Variants in SPOCK1 observed in about 807,000 individuals in gnomAD.
SPOCK1 encodes testican-1.
A neutral mutation model predicts 55.3 loss-of-function variants in SPOCK1; 23 were observed. That is an observed-to-expected ratio of 0.42 (90% CI 0.30 to 0.59). SPOCK1 has a LOEUF of 0.59. Among genes scored for constraint, SPOCK1 ranks in the 20% least tolerant of loss-of-function variants. The pLI is 0.22. For missense variants in SPOCK1, 499 were observed against 552.5 expected (o/e 0.90, Z 0.97); for synonymous variants, 226 against 221.0 (o/e 1.02, Z -0.20).
At chr5:137,392,965 C>T (rs1751758159) in intron 2 of SPOCK1, among the ~76,000 whole-genome samples, 1 of 152,206 alleles carries the variant, frequency 6.6e-6, no homozygotes, top group Non-Finnish European at 1.5e-5. Flanking sequence ...TCTCCTAACA[C>T]ATGATGCCCT....
intron 2 of SPOCK1, among the ~76,000 whole-genome samples, chr5:137,282,172 A>G (rs186687609): frequency 3.6e-4 from 55 of 152,334 alleles, no homozygotes; most frequent in Non-Finnish European, 6.3e-4. Context: ...ACCCCAGTAT[A>G]TCCTCTGCCT....
intron 2 of SPOCK1, among the ~76,000 whole-genome samples, chr5:137,444,306 G>T (rs1276838220): frequency 6.6e-6 from 1 of 152,158 alleles, no homozygotes; most frequent in Non-Finnish European, 1.5e-5. Context: ...GCTCCCTGGA[G>T]CACCCTGGCT....
At chr5:137,369,302 C>A (rs894003931) in intron 2 of SPOCK1, among the ~76,000 whole-genome samples, 4 of 152,202 alleles carry the variant, frequency 2.6e-5, no homozygotes, top group African/African-American at 4.8e-5. Context: ...ATCTATCTAC[C>A]TCTTTCCTTG....
chr5:136,992,659 A>G, intron 6 of SPOCK1, 59 bp from the exon 7 acceptor site: 2 of 1,382,962 alleles, frequency 1.4e-6, no homozygotes, highest in African/African-American at 2.9e-5. Flanking sequence ...TTCTGTGTGC[A>G]GGGCTACTGG....
intron 5 of SPOCK1, among the ~76,000 whole-genome samples, chr5:137,088,541 G>C (rs565404112): frequency 9.2e-5 from 14 of 152,278 alleles, no homozygotes; most frequent in African/African-American, 2.9e-4. Context: ...CTGAGAGAAA[G>C]TTTGCTAATC....
chr5:137,348,103 T>A (rs998497117), intron 2 of SPOCK1, among the ~76,000 whole-genome samples: 8 of 152,118 alleles, frequency 5.3e-5, no homozygotes, highest in African/African-American at 9.7e-5. Flanking sequence ...AGGGCCAAGT[T>A]TGTCTTGTTC....
chr5:137,181,023 A>G (rs1009663771), intron 3 of SPOCK1, among the ~76,000 whole-genome samples: 12 of 152,206 alleles, frequency 7.9e-5, no homozygotes, highest in African/African-American at 2.9e-4. Flanking sequence ...TGACACCAAG[A>G]TCATCAGTTC....
chr5:137,064,815 T>A (rs1374541502), intron 6 of SPOCK1, among the ~76,000 whole-genome samples: 1 of 152,198 alleles, frequency 6.6e-6, no homozygotes, highest in Non-Finnish European at 1.5e-5. Context: ...CTCAATTTTG[T>A]CCAGGTAAAG....
intron 2 of SPOCK1, among the ~76,000 whole-genome samples, chr5:137,385,767 A>G (rs1403774675): frequency 2.0e-5 from 3 of 152,218 alleles, no homozygotes; most frequent in Non-Finnish European, 1.5e-5. Context: ...ATTCTACGGC[A>G]TTCACTGAAC....
intron 2 of SPOCK1, among the ~76,000 whole-genome samples, chr5:137,304,671 A>G (rs920773745): frequency 1.3e-5 from 2 of 152,132 alleles, no homozygotes; most frequent in African/African-American, 4.8e-5. Flanking sequence ...TGTCTTTTCA[A>G]TTGAGGAGCA....
intron 5 of SPOCK1, among the ~76,000 whole-genome samples, chr5:137,100,280 C>A (rs967418537): frequency 1.3e-5 from 2 of 152,208 alleles, no homozygotes; most frequent in African/African-American, 4.8e-5. Flanking sequence ...GGGATCATCA[C>A]AGTGCATTAA....
At chr5:137,331,482 G>T (rs1014129303) in intron 2 of SPOCK1, among the ~76,000 whole-genome samples, 1 of 152,182 alleles carries the variant, frequency 6.6e-6, no homozygotes, top group Non-Finnish European at 1.5e-5. Flanking sequence ...AACACCTGAG[G>T]CTGGATAATT....
At position 137,396,939 on chromosome 5, in the gene SPOCK1, G is replaced by A. The variant is rs113350924; in HGVS notation, c.186+101434C>T. On this transcript the variant is annotated intron_variant, in intron 2 of 10. Coordinates refer to ENST00000394945, the MANE Select transcript of SPOCK1 (RefSeq NM_004598.4). The stretch of plus-strand genomic sequence containing the variant: ...ACTCGCTCTCCAAAGAGCCTTACGC[G>A]TTTATACTTTGAATGCTTAAAAAAA... 1.2e-3 allele frequency among the ~76,000 whole-genome samples: 190 copies of A among 152,180 alleles called. 2 individuals carry two copies. Among genetic ancestry groups the A allele is most frequent in the African/African-American group, 4.3e-3 (178 of 41,516 alleles).
At chr5:137,401,400 G>A (rs1366614916) in intron 2 of SPOCK1, among the ~76,000 whole-genome samples, 2 of 151,868 alleles carry the variant, frequency 1.3e-5, no homozygotes, top group African/African-American at 2.4e-5. Flanking sequence ...TATGCAGCAG[G>A]CACTATTAAC....
chr5:137,087,667 C>G (rs765235703), intron 5 of SPOCK1, among the ~76,000 whole-genome samples: 2 of 152,202 alleles, frequency 1.3e-5, no homozygotes, highest in Non-Finnish European at 2.9e-5. Context: ...CATGTGTGTC[C>G]CAGGGCAGGG....
chr5:137,302,295 C>T (rs1009680492), intron 2 of SPOCK1, among the ~76,000 whole-genome samples: 71 of 152,084 alleles, frequency 4.7e-4, no homozygotes, highest in African/African-American at 1.3e-3. Context: ...ATAGGCTGGG[C>T]GCGGTGGCTC....
At chr5:137,427,478 T>A (rs1404240239) in intron 2 of SPOCK1, among the ~76,000 whole-genome samples, 1 of 152,112 alleles carries the variant, frequency 6.6e-6, no homozygotes, top group East Asian at 1.9e-4. Flanking sequence ...CTCTATGTGG[T>A]CTCCCTTGTT....
chr5:137,393,360 C>T (rs1018792614), intron 2 of SPOCK1, among the ~76,000 whole-genome samples: 1 of 152,184 alleles, frequency 6.6e-6, no homozygotes, highest in Non-Finnish European at 1.5e-5. Flanking sequence ...TGAGAACATG[C>T]CTGAGCTAGC....
intron 5 of SPOCK1, among the ~76,000 whole-genome samples, chr5:137,102,354 A>G (rs1364719798): frequency 1.3e-5 from 2 of 152,154 alleles, no homozygotes; most frequent in Admixed American, 1.3e-4. Flanking sequence ...GGCTGGGAGC[A>G]AGTGAATCTG....
Sources: gnomAD v4.1 joint callset for allele counts (sites outside exome capture counted in the v4.1 genomes callset) on GRCh38, gnomAD v4.1.1 for gene constraint, MANE v1.5 for transcripts, NCBI Gene and HGNC (gene_info 2026-07-23, HGNC 2026-07-21) for gene names.